Variants in PHACTR2 observed in about 807,000 individuals in gnomAD.
The protein encoded by PHACTR2 is chromosome 6 open reading frame 56.
A neutral mutation model predicts 76.0 loss-of-function variants in PHACTR2; 30 were observed. The ratio of observed to expected loss-of-function variants is 0.39; its 90% confidence interval spans 0.30 to 0.54. The LOEUF (loss-of-function observed/expected upper bound fraction) is 0.54, where lower values mean the gene tolerates loss of function less well. Ranked by LOEUF, PHACTR2 falls within the 20% of genes least tolerant of loss-of-function variation. PHACTR2 has a pLI of 0.61. For missense variants in PHACTR2, 696 were observed against 781.1 expected, an observed-to-expected ratio of 0.89 and a Z score of 1.30; for synonymous variants, 292 against 292.5, an observed-to-expected ratio of 1.00 and a Z score of 0.02.
chr6:143,636,607 A>C (rs1273374934), intron 1 of PHACTR2, among the ~76,000 whole-genome samples: 1 of 152,246 alleles, frequency 6.6e-6, no homozygotes, highest in East Asian at 1.9e-4. Flanking sequence ...AAGATAAATT[A>C]TTACTTTCAC....
At position 143,558,019 on chromosome 6, in the gene PHACTR2, C is replaced by T. The variant is rs921266747; in HGVS notation, c.217+20812C>T. 1 of 152,110 alleles carries T rather than the reference C, an allele frequency of 6.6e-6. No homozygotes were observed. Among genetic ancestry groups the T allele is most frequent in the African/African-American group, 2.4e-5 (1 of 41,414 alleles). 9.4% of individuals were successfully genotyped at this position (152,110 alleles called of 1,614,324 possible). ...CTCACCTGCTTCAGGAGACACCAGA[C>T]TGAACTCTTTCTCTCTGACGTTCTC... On this transcript the variant is annotated intron_variant, in intron 1 of 11. Transcript: ENST00000367584. The surrounding 1 kb of genome is among the most constrained non-coding windows in gnomAD (Gnocchi z 4.7).
chr6:143,650,057 G>A (rs1197930107), intron 1 of PHACTR2, among the ~76,000 whole-genome samples: 1 of 152,162 alleles, frequency 6.6e-6, no homozygotes, highest in African/African-American at 2.4e-5. Context: ...CAGGCAAGCT[G>A]AGAGCCAAAT....
At chr6:143,677,886 T>G, upstream of PHACTR2, 1 of 28,142 alleles carries the variant, frequency 3.6e-5, no homozygotes, top group Non-Finnish European at 6.8e-5. Context: ...TTCCCCCTCC[T>G]CCCCTCCCTA....
intron 2 of PHACTR2, among the ~76,000 whole-genome samples, chr6:143,745,473 A>G (rs1400955665): frequency 6.6e-6 from 1 of 152,216 alleles, no homozygotes; most frequent in Non-Finnish European, 1.5e-5. Context: ...CATCTCAGGA[A>G]TATTCTGAGA....
chr6:143,725,347 C>T (rs1466411330), intron 2 of PHACTR2, among the ~76,000 whole-genome samples: 2 of 150,464 alleles, frequency 1.3e-5, no homozygotes, highest in Non-Finnish European at 3.0e-5. Context: ...ACTACAGGCG[C>T]CCGCCACCAT....
intron 1 of PHACTR2, among the ~76,000 whole-genome samples, chr6:143,661,055 C>G (rs1776939203): frequency 6.6e-6 from 1 of 152,130 alleles, no homozygotes; most frequent in Admixed American, 6.5e-5. Flanking sequence ...TTTTCAGATA[C>G]TAGCTATTTC....
Position 143,823,139 on chromosome 6 carries a change from T to TGTG in PHACTR2, c.1923-533_1923-531dup. On this transcript the variant is annotated intron_variant, in intron 12 of 12. Transcript: ENST00000440869. The surrounding 1 kb of genome is among the most constrained non-coding windows in gnomAD (Gnocchi z 5.7). ...GTTAACAAGGAAAGCTTTGTATAGTTGTGGACATGCTTAGTATATACCTGT... is the reference window on the plus strand; with the variant it reads ...GTTAACAAGGAAAGCTTTGTATAGTTGTGGTGGACATGCTTAGTATATACCTGT... 6.6e-6 allele frequency among the ~76,000 whole-genome samples: 1 copy of TGTG among 152,372 alleles called. No individual in the cohort carries two copies. The highest frequency in any genetic ancestry group is 2.4e-5 in the African/African-American group (1 of 41,582).
chr6:143,667,363 T>G (rs1322238503), intron 1 of PHACTR2, among the ~76,000 whole-genome samples: 1 of 152,266 alleles, frequency 6.6e-6, no homozygotes, highest in Non-Finnish European at 1.5e-5. Flanking sequence ...CTATACAAGT[T>G]CTTTTTTGGT....
Position 143,537,999 on chromosome 6 carries a change from A to G in PHACTR2, c.217+792A>G, listed in dbSNP as rs935375726. Among the ~76,000 whole-genome samples the G allele has an allele frequency of 1.3e-5, 2 of 152,188 alleles. No individual in the cohort carries two copies. Among genetic ancestry groups the G allele is most frequent in the Non-Finnish European group, 2.9e-5 (2 of 68,030 alleles). On this transcript the variant is annotated intron_variant, in intron 1 of 11. Transcript: ENST00000367584. The surrounding 1 kb of genome is among the most constrained non-coding windows in gnomAD (Gnocchi z 4.4). The stretch of plus-strand genomic sequence containing the variant: ...GCGGCGCATGCCTGTAGTCCTAGCT[A>G]CTCAGGAGGCTGAGGCAGGAGAATC...
chr6:143,816,830 C>G lies in PHACTR2; in HGVS notation c.1923-6844C>G, dbSNP rs1188513027. 6.6e-6 allele frequency among the ~76,000 whole-genome samples: 1 copy of G among 152,212 alleles called. No homozygotes were observed. The highest frequency in any genetic ancestry group is 2.4e-5 in the African/African-American group (1 of 41,450). ...CCTGTAATCCCAGCACTTTGGGAGG[C>G]TGAGGCGGGAGGATCGCTTGAGGCC... On this transcript the variant is annotated intron_variant, in intron 12 of 12. Coordinates refer to ENST00000440869, the MANE Select transcript of PHACTR2 (RefSeq NM_001100164.2). This position sits in a 1 kb window ranked among gnomAD's most constrained non-coding sequence, Gnocchi z 4.5.
intron 1 of PHACTR2, among the ~76,000 whole-genome samples, chr6:143,705,443 C>T (rs1003815168): frequency 1.3e-5 from 2 of 151,816 alleles, no homozygotes; most frequent in African/African-American, 4.8e-5. Flanking sequence ...TACAGGCGCC[C>T]GCCACTGCGC....
rs1776455442 is a variant in PHACTR2 at position 143,822,995 on chromosome 6, G to T, written c.1923-679G>T. 6.6e-6 allele frequency among the ~76,000 whole-genome samples: 1 copy of T among 152,238 alleles called. No homozygotes were observed. The highest frequency in any genetic ancestry group is 1.5e-5 in the Non-Finnish European group (1 of 68,046). ...ATTCCAAGACAGGCAGTTGAGGCAG[G>T]ACTTGGTGACTAATAGGAAATGCTG... On this transcript the variant is annotated intron_variant, in intron 12 of 12. Coordinates refer to ENST00000440869, the MANE Select transcript of PHACTR2 (RefSeq NM_001100164.2). This position sits in a 1 kb window ranked among gnomAD's most constrained non-coding sequence, Gnocchi z 5.5.
chr6:143,635,730 T>A (rs968351413), intron 1 of PHACTR2, among the ~76,000 whole-genome samples: 1 of 152,230 alleles, frequency 6.6e-6, no homozygotes, highest in South Asian at 2.1e-4. Flanking sequence ...TACTTTAAGG[T>A]CGTCTTGTTG....
intron 1 of PHACTR2, among the ~76,000 whole-genome samples, chr6:143,620,531 G>A (rs115581470): frequency 2.4e-3 from 362 of 151,662 alleles, no homozygotes; most frequent in African/African-American, 8.0e-3. Flanking sequence ...ACAGTTCTCC[G>A]GTGAATTATG....
intron 2 of PHACTR2, among the ~76,000 whole-genome samples, chr6:143,717,330 G>A (rs947270821): frequency 1.3e-5 from 2 of 152,076 alleles, no homozygotes; most frequent in Non-Finnish European, 2.9e-5. Context: ...TCCTTTGCCT[G>A]TACTCCTGTT....
At position 143,699,208 on chromosome 6, in the gene PHACTR2, A is replaced by G. The variant is rs1777842061; in HGVS notation, c.47-12808A>G. 2.6e-5 allele frequency among the ~76,000 whole-genome samples: 4 copies of G among 152,198 alleles called. 1 individual carries two copies. In the South Asian group the frequency reaches 8.3e-4, roughly 32 times the overall value. On this transcript the variant is annotated intron_variant, in intron 1 of 12. Transcript: ENST00000440869. ...CCAAATCTCGCTATGACCTGAAGGA[A>G]TTCAGTCCCCATGCAGTCCCCGTGT...
Position 143,566,767 on chromosome 6 carries a change from CCA to C in PHACTR2, c.217+29561_217+29562del, listed in dbSNP as rs1272559616. ...ACCTCAGAATATTTTTAAATGAATT[CCA>C]GACATCATATTATTTTTCCCACAAA... On this transcript the variant is annotated intron_variant, in intron 1 of 11. Coordinates refer to the PHACTR2 transcript ENST00000367584. Among the ~76,000 whole-genome samples, 3 of 151,460 alleles carry C rather than the reference CCA, an allele frequency of 2.0e-5. No homozygotes were observed. In the East Asian group the frequency reaches 5.9e-4, roughly 30 times the overall value.
intron 2 of PHACTR2, among the ~76,000 whole-genome samples, chr6:143,732,331 C>T (rs1460100124): frequency 4.6e-5 from 7 of 152,158 alleles, no homozygotes; most frequent in African/African-American, 7.2e-5. Flanking sequence ...TCTATCTCTG[C>T]GGGTTTGCCT....
At position 143,696,146 on chromosome 6, in the gene PHACTR2, T is replaced by C. The variant is rs1381874802; in HGVS notation, c.47-15870T>C. ...TCTTAGCTCCTCTCTCATTCTTGTA[T>C]ATGATGTCAACCTTCTTGCTTAGTT... On this transcript the variant is annotated intron_variant, in intron 1 of 12. Transcript: ENST00000440869. The surrounding 1 kb of genome is among the most constrained non-coding windows in gnomAD (Gnocchi z 4.1). Among the ~76,000 whole-genome samples, 1 of 152,234 alleles carries C rather than the reference T, an allele frequency of 6.6e-6. No homozygotes were observed. The highest frequency in any genetic ancestry group is 1.9e-4 in the East Asian group (1 of 5,190).
Sources: gnomAD v4.1 joint callset for allele counts (sites outside exome capture counted in the v4.1 genomes callset) on GRCh38, gnomAD v4.1.1 for gene constraint, Gnocchi (gnomAD v3.1) non-coding constraint, MANE v1.5 for transcripts, NCBI Gene and HGNC (gene_info 2026-07-23, HGNC 2026-07-21) for gene names.